The following ERICH3 variants were observed in gnomAD, a reference collection of about 807,000 sequenced individuals.
ERICH3 encodes glutamate-rich protein 3.
Under a neutral mutation model 131.1 loss-of-function variants are expected in ERICH3, and 126 were observed. That is an observed-to-expected ratio of 0.96 (90% CI 0.83 to 1.11). The LOEUF is 1.11. Ranked by LOEUF, ERICH3 falls within the 50% of genes most tolerant of loss-of-function variation. The pLI is 0.00. For missense variants in ERICH3, 2,050 were observed against 1,810.7 expected (o/e 1.13, Z -2.40); for synonymous variants, 695 against 644.6 (o/e 1.08, Z -1.18).
At chr1:74,612,948 A>G (rs66579530) in intron 8 of ERICH3, 139 bp from the exon 9 acceptor site, 44,153 of 591,354 alleles carry the variant, frequency 0.075, 2,115 homozygotes, top group Non-Finnish European at 0.093. Context: ...CCTGGTCCAC[A>G]CTGGAAGAAG....
chr1:74,579,401 C>T, intron 12 of ERICH3: 1 of 985,308 alleles, frequency 1.0e-6, no homozygotes, highest in Non-Finnish European at 1.2e-6. Flanking sequence ...AATTAAAACT[C>T]ACTCAGAAAT....
In ERICH3 at chr1:74,599,849, A is replaced by G. The variant is rs766541275; in HGVS notation, c.1572T>C (p.Asn524=). The change falls in exon 11 of 15, where the codon AAT becomes AAC. Residue 524 remains asparagine (N), a synonymous_variant. Coordinates refer to ENST00000326665, the MANE Select transcript of ERICH3 (RefSeq NM_001002912.5). The part of the protein sequence containing the change: ...NEEGQADVQM[N]GIPQSPLDDK... ...CATCCAAAGGTGACTGCGGTATTCC[A>G]TTCATTTGAACATCAGCCTGTCCTT... 4.3e-6 allele frequency: 7 copies of G among 1,612,426 alleles called. No individual in the cohort carries two copies. Among genetic ancestry groups the G allele is most frequent in the Non-Finnish European group, 5.9e-6 (7 of 1,178,972 alleles).
intron 2 of ERICH3, among the ~76,000 whole-genome samples, chr1:74,647,467 A>G (rs2100640667): frequency 6.6e-6 from 1 of 152,218 alleles, no homozygotes; most frequent in East Asian, 1.9e-4. Context: ...TCAGAATTTT[A>G]CAGATTATGC....
chr1:74,646,915 C>CACAGAG (rs1426924961), intron 2 of ERICH3, 123 bp from the exon 3 acceptor site: 18 of 251,036 alleles, frequency 7.2e-5, no homozygotes, highest in Admixed American at 1.2e-4. Flanking sequence ...CACACACACA[C>CACAGAG]AGAGAGAGAA....
chr1:74,570,634 A>T (rs1158648684), intron 14 of ERICH3, among the ~76,000 whole-genome samples, 195 bp from the exon 15 acceptor site: 1 of 152,228 alleles, frequency 6.6e-6, no homozygotes, highest in South Asian at 2.1e-4. Context: ...ATATGTAAAA[A>T]CTTTGCGAAA....
intron 9 of ERICH3, among the ~76,000 whole-genome samples, chr1:74,609,543 AAT>A (rs1433599567): frequency 6.6e-6 from 1 of 151,978 alleles, no homozygotes; most frequent in African/African-American, 2.4e-5. Flanking sequence ...TGGTCTCTAG[AAT>A]AACCAGAAAA....
intron 6 of ERICH3, 50 bp downstream of exon 6, chr1:74,636,230 A>G (rs1296233442): frequency 2.1e-6 from 3 of 1,434,374 alleles, no homozygotes; most frequent in South Asian, 1.4e-5. Context: ...ATAACCTATA[A>G]TAATCTACTC....
chr1:74,642,084 T>G (rs1209289782), intron 4 of ERICH3, among the ~76,000 whole-genome samples: 1 of 152,090 alleles, frequency 6.6e-6, no homozygotes, highest in Non-Finnish European at 1.5e-5. Context: ...AGCAGATAAA[T>G]TACAGAATCT....
At chr1:74,643,718 TACAA>T (rs901956932) in intron 3 of ERICH3, among the ~76,000 whole-genome samples, 5 of 152,122 alleles carry the variant, frequency 3.3e-5, no homozygotes, top group African/African-American at 9.7e-5. Context: ...CACCCTATTT[TACAA>T]ACAAAGGCAC....
chr1:74,574,077 A>T, intron 13 of ERICH3, among the ~76,000 whole-genome samples: 1 of 145,578 alleles, frequency 6.9e-6, no homozygotes, highest in African/African-American at 2.6e-5. Flanking sequence ...TTCAGCCTTG[A>T]TTTCCTGGTC....
intron 2 of ERICH3, 93 bp from the exon 3 acceptor site, chr1:74,646,885 G>GACAC: frequency 1.7e-5 from 5 of 293,598 alleles, no homozygotes; most frequent in Non-Finnish European, 1.8e-5. Flanking sequence ...GGAGAAGACA[G>GACAC]ACAGACACAC....
chr1:74,662,821 T>C lies in ERICH3; in HGVS notation c.23+10676A>G, dbSNP rs181963410. 2.7e-4 allele frequency among the ~76,000 whole-genome samples: 41 copies of C among 152,242 alleles called. No individual in the cohort carries two copies. The East Asian group carries it at 7.0e-3, about 26-fold the overall frequency. On this transcript the variant is annotated intron_variant, in intron 1 of 14. Transcript: ENST00000326665. ...AGACTACTGCAGTGATGACTGAAAT[T>C]ATACCATGTTTTTAAAGAGTGCTTT...
At chr1:74,621,256 T>A (rs921626124) in intron 7 of ERICH3, 1 of 161,062 alleles carries the variant, frequency 6.2e-6, no homozygotes, top group South Asian at 2.0e-4. Flanking sequence ...AAGAAGAAAC[T>A]TTTGCCTCTG....
At chr1:74,618,437 T>C (rs941365371) in intron 8 of ERICH3, among the ~76,000 whole-genome samples, 12 of 151,974 alleles carry the variant, frequency 7.9e-5, no homozygotes, top group Admixed American at 7.2e-4. Context: ...TAATGAGGAA[T>C]GCACAGATAG....
rs752184955 is a variant in ERICH3, at chr1:74,572,302, C to A, written c.3408G>T (p.Glu1136Asp). 1 of 1,613,942 alleles carries A rather than the reference C, an allele frequency of 6.2e-7. No individual in the cohort carries two copies. Among genetic ancestry groups the A allele is most frequent in the East Asian group, 2.2e-5 (1 of 44,876 alleles). Residue 1136 changes from glutamate to aspartate, a missense_variant, in exon 14 of 15, where the codon GAG (glutamate) becomes GAT (aspartate). Physicochemically the swap from Glu to Asp is conservative, Grantham distance 45 (BLOSUM62 2). Transcript: ENST00000326665. ...AENEAPVEAS[E>D]LSDNPGLLGE... Reference sequence around the variant, plus strand: ...CTAGAAGCCCTGGATTGTCAGACAACTCAGAAGCCTCCACAGGTGCTTCGT... The same window carrying A: ...CTAGAAGCCCTGGATTGTCAGACAAATCAGAAGCCTCCACAGGTGCTTCGT...
chr1:74,624,183 T>C (rs986380516), intron 7 of ERICH3: 2 of 152,202 alleles, frequency 1.3e-5, no homozygotes, highest in Admixed American at 1.3e-4. Flanking sequence ...GGAAGCTTGC[T>C]ACATTTATAG....
intron 12 of ERICH3, among the ~76,000 whole-genome samples, chr1:74,587,329 A>G (rs1267632857): frequency 6.6e-6 from 1 of 150,576 alleles, no homozygotes. Flanking sequence ...CATCTCAAAA[A>G]AAAAAAAAAA....
At chr1:74,625,458 T>C (rs1649381246) in intron 7 of ERICH3, 1 of 152,120 alleles carries the variant, frequency 6.6e-6, no homozygotes, top group Non-Finnish European at 1.5e-5. Context: ...CTACTGATCA[T>C]TCAAAGCCCA....
intron 5 of ERICH3, among the ~76,000 whole-genome samples, chr1:74,638,665 G>T (rs1280005615): frequency 2.0e-5 from 3 of 152,162 alleles, no homozygotes; most frequent in Non-Finnish European, 4.4e-5. Flanking sequence ...AGCATCCCTT[G>T]TAATTCTGTG....
Sources: gnomAD v4.1 joint callset for allele counts (sites outside exome capture counted in the v4.1 genomes callset) on GRCh38, gnomAD v4.1.1 for gene constraint, MANE v1.5 for transcripts, NCBI Gene and HGNC (gene_info 2026-07-23, HGNC 2026-07-21) for gene names.